Variants in KIAA0825 observed in about 807,000 individuals in gnomAD.
KIAA0825 encodes the protein uncharacterized protein KIAA0825.
Under a neutral mutation model 147.6 loss-of-function variants are expected in KIAA0825, and 119 were observed. The observed-to-expected ratio is 0.81, with a 90% CI of 0.69 to 0.94. KIAA0825 has a LOEUF of 0.94. Ranked by LOEUF, KIAA0825 falls within the 40% of genes least tolerant of loss-of-function variation. KIAA0825 has a pLI of 0.00. For missense variants in KIAA0825, 1,381 were observed against 1,472.7 expected, an observed-to-expected ratio of 0.94 and a Z score of 1.02; for synonymous variants, 470 against 518.1, an observed-to-expected ratio of 0.91 and a Z score of 1.26.
chr5:94,165,827 G>A (rs1413486915), intron 20 of KIAA0825, among the ~76,000 whole-genome samples: 2 of 152,196 alleles, frequency 1.3e-5, no homozygotes, highest in East Asian at 3.9e-4. Flanking sequence ...TGGACATAGA[G>A]AGTAGAAAGA....
At position 94,520,667 on chromosome 5, in the gene KIAA0825, T is replaced by C; in HGVS notation, c.551A>G (p.Asn184Ser). ...SKLQSHNEIN[N>S]SQQKILLKKQ... ...TTTCAATAAAATTTTTTGCTGTGAATTGTTTATTTCATTATGGCTTTGTAA... is the reference window on the plus strand; with the variant it reads ...TTTCAATAAAATTTTTTGCTGTGAACTGTTTATTTCATTATGGCTTTGTAA... The change falls in exon 5 of 21, where the codon AAT (asparagine) becomes AGT (serine). Residue 184 changes from asparagine (N) to serine (S), a missense_variant. Physicochemically the swap from Asn to Ser is conservative, Grantham distance 46. Transcript: ENST00000682413. The C allele has an allele frequency of 6.2e-7, 1 of 1,613,450 alleles. No individual in the cohort carries two copies. The highest frequency in any genetic ancestry group is 8.5e-7 in the Non-Finnish European group (1 of 1,179,502).
intron 2 of KIAA0825, among the ~76,000 whole-genome samples, chr5:94,558,450 C>T (rs1167805765): frequency 1.3e-5 from 2 of 152,296 alleles, no homozygotes; most frequent in African/African-American, 4.8e-5. Flanking sequence ...TTTGCTCTTC[C>T]CTGATTACAC....
intron 20 of KIAA0825, among the ~76,000 whole-genome samples, chr5:94,204,612 C>G (rs1771984692): frequency 6.6e-6 from 1 of 152,174 alleles, no homozygotes; most frequent in Admixed American, 6.5e-5. Flanking sequence ...CCACTGTGAG[C>G]ATCTTGCATA....
At chr5:94,295,998 T>C (rs968578827) in intron 20 of KIAA0825, among the ~76,000 whole-genome samples, 2 of 152,256 alleles carry the variant, frequency 1.3e-5, no homozygotes, top group Admixed American at 1.3e-4. Context: ...GGCAAGTACA[T>C]TGAAGTCTGC....
At chr5:94,368,075 T>C (rs540997953) in intron 20 of KIAA0825, among the ~76,000 whole-genome samples, 18 of 152,332 alleles carry the variant, frequency 1.2e-4, no homozygotes, top group African/African-American at 4.3e-4. Flanking sequence ...GACCTCCTCA[T>C]TGTGACTGTG....
At chr5:94,365,110 A>G (rs1250851797) in intron 20 of KIAA0825, among the ~76,000 whole-genome samples, 1 of 152,112 alleles carries the variant, frequency 6.6e-6, no homozygotes, top group South Asian at 2.1e-4. Flanking sequence ...CTGTGGCCCT[A>G]TGTAAATCGG....
chr5:94,440,206 C>T (rs1756901529), intron 13 of KIAA0825, 85 bp from the exon 14 acceptor site: 3 of 1,297,974 alleles, frequency 2.3e-6, no homozygotes, highest in Non-Finnish European at 3.2e-6. Context: ...GTAATGCTAA[C>T]TCCTTTAAAT....
intron 18 of KIAA0825, among the ~76,000 whole-genome samples, chr5:94,386,867 C>A (rs1749220778): frequency 6.6e-6 from 1 of 152,148 alleles, no homozygotes; most frequent in African/African-American, 2.4e-5. Flanking sequence ...CAGTCTCATT[C>A]AATGCAGAAT....
intron 20 of KIAA0825, among the ~76,000 whole-genome samples, chr5:94,346,386 A>G (rs75461644): frequency 0.023 from 3,472 of 152,280 alleles, 150 homozygotes; most frequent in African/African-American, 0.08. Context: ...TAAGATAATG[A>G]TTTTCCAGAT....
intron 20 of KIAA0825, among the ~76,000 whole-genome samples, chr5:94,356,725 C>CTTTTTTT (rs1172838355): frequency 1.7e-5 from 2 of 116,738 alleles, no homozygotes; most frequent in Non-Finnish European, 3.4e-5. Context: ...AACTTGATTT[C>CTTTTTTT]TTTTTTTTTT....
At chr5:94,316,281 TAAATA>T (rs1779651546) in intron 20 of KIAA0825, among the ~76,000 whole-genome samples, 2 of 151,632 alleles carry the variant, frequency 1.3e-5, no homozygotes, top group African/African-American at 4.8e-5. Flanking sequence ...TACTATGGCC[TAAATA>T]AAATATGAGT....
chr5:94,444,380 G>A (rs935280871), intron 13 of KIAA0825, among the ~76,000 whole-genome samples: 11 of 152,128 alleles, frequency 7.2e-5, no homozygotes, highest in African/African-American at 2.7e-4. Flanking sequence ...TTATCATGAG[G>A]AGCTGGGCTT....
intron 8 of KIAA0825, 52 bp from the exon 9 acceptor site, chr5:94,471,783 G>C: frequency 6.6e-6 from 10 of 1,515,530 alleles, no homozygotes; most frequent in Non-Finnish European, 8.9e-6. Context: ...ACAGCACCAA[G>C]TAATTTATGG....
At chr5:94,547,374 A>G (rs1158860563) in intron 2 of KIAA0825, among the ~76,000 whole-genome samples, 1 of 152,160 alleles carries the variant, frequency 6.6e-6, no homozygotes, top group East Asian at 1.9e-4. Flanking sequence ...TAGAACACCA[A>G]GTAGATTTAA....
At chr5:94,527,692 T>C (rs1164857960) in intron 3 of KIAA0825, among the ~76,000 whole-genome samples, 1 of 152,094 alleles carries the variant, frequency 6.6e-6, no homozygotes, top group Non-Finnish European at 1.5e-5. Flanking sequence ...TTTTCAATTG[T>C]TACACTGAAA....
chr5:94,473,258 C>T, intron 8 of KIAA0825, 34 bp downstream of exon 8: 1 of 1,483,244 alleles, frequency 6.7e-7, no homozygotes, highest in South Asian at 1.2e-5. Context: ...CCCATCATGC[C>T]AGTCAGCAGT....
chr5:94,239,601 T>C (rs1775245463), intron 20 of KIAA0825, among the ~76,000 whole-genome samples: 2 of 152,186 alleles, frequency 1.3e-5, no homozygotes, highest in Admixed American at 6.5e-5. Flanking sequence ...CGTTTGCCAA[T>C]GGAAATTTCT....
At chr5:94,457,762 G>A (rs780201118) in intron 12 of KIAA0825, among the ~76,000 whole-genome samples, 3 of 152,218 alleles carry the variant, frequency 2.0e-5, no homozygotes, top group Non-Finnish European at 4.4e-5. Flanking sequence ...AGTTAGCTGG[G>A]TTTTATGCTT....
At chr5:94,567,747 C>T (rs1778981468) in intron 2 of KIAA0825, 1 of 152,792 alleles carries the variant, frequency 6.5e-6, no homozygotes, top group Non-Finnish European at 1.5e-5. Context: ...CTCCTAAACA[C>T]TAACCCTGAC....
Sources: allele counts gnomAD v4.1 joint callset (sites outside exome capture counted in the v4.1 genomes callset), GRCh38; gene constraint gnomAD v4.1.1; transcripts MANE v1.5; gene names NCBI Gene and HGNC (gene_info 2026-07-23, HGNC 2026-07-21).